The following MARCHF8 variants were observed in gnomAD, a reference collection of about 807,000 sequenced individuals.
MARCHF8 encodes the protein E3 ubiquitin-protein ligase MARCHF8.
A neutral mutation model predicts 51.6 loss-of-function variants in MARCHF8; 40 were observed. The observed-to-expected ratio is 0.77, with a 90% CI of 0.60 to 1.01. The LOEUF (loss-of-function observed/expected upper bound fraction) is 1.01. Ranked by LOEUF, MARCHF8 falls within the 50% of genes least tolerant of loss-of-function variation. The pLI is 0.00. For synonymous variants in MARCHF8, 263 were observed against 280.3 expected (o/e 0.94, Z 0.62); for missense variants, 685 against 708.6 (o/e 0.97, Z 0.38).
At chr10:45,514,021 A>G (rs1016609339) in intron 2 of MARCHF8, among the ~76,000 whole-genome samples, 6 of 152,224 alleles carry the variant, frequency 3.9e-5, no homozygotes, top group Admixed American at 1.3e-4. Flanking sequence ...TTAAGTGGGC[A>G]ATATTATATC....
chr10:45,513,442 T>A (rs1172179975), intron 2 of MARCHF8, among the ~76,000 whole-genome samples: 1 of 152,140 alleles, frequency 6.6e-6, no homozygotes, highest in African/African-American at 2.4e-5. Flanking sequence ...CCTGCTGTTG[T>A]AGAGCTTATG....
intron 6 of MARCHF8, 95 bp downstream of exon 6, chr10:45,461,135 TG>T: frequency 1.1e-6 from 1 of 938,610 alleles, no homozygotes; most frequent in Admixed American, 3.4e-5. Flanking sequence ...TTTAAGGAAA[TG>T]AACGCAGGCA....
chr10:45,594,228 T>C (rs994148681), intron 1 of MARCHF8: 1 of 152,176 alleles, frequency 6.6e-6, no homozygotes, highest in African/African-American at 2.4e-5. Flanking sequence ...AAGGACAAAA[T>C]AGTTACCTAT....
At chr10:45,502,167 A>G (rs1365686667) in intron 2 of MARCHF8, among the ~76,000 whole-genome samples, 2 of 152,212 alleles carry the variant, frequency 1.3e-5, no homozygotes, top group African/African-American at 4.8e-5. Context: ...ATAAAAACCT[A>G]TAGGTGTCTA....
intron 1 of MARCHF8, among the ~76,000 whole-genome samples, chr10:45,541,031 A>G (rs1381448422): frequency 6.6e-6 from 1 of 152,210 alleles, no homozygotes; most frequent in Non-Finnish European, 1.5e-5. Flanking sequence ...GGGATCTAGA[A>G]CTAGAAATAC....
At chr10:45,563,293 C>T (rs1315085163) in intron 1 of MARCHF8, among the ~76,000 whole-genome samples, 1 of 152,144 alleles carries the variant, frequency 6.6e-6, no homozygotes, top group East Asian at 1.9e-4. Context: ...TCCCAAAGTG[C>T]TGGAATTACA....
chr10:45,538,498 T>A (rs2044005597), upstream of MARCHF8, among the ~76,000 whole-genome samples: 1 of 152,126 alleles, frequency 6.6e-6, no homozygotes, highest in Admixed American at 6.5e-5. Context: ...GACTAAATGC[T>A]CCAATTAAAA....
chr10:45,478,568 T>TA (rs3086168), intron 3 of MARCHF8, among the ~76,000 whole-genome samples: 5,017 of 130,092 alleles, frequency 0.039, 197 homozygotes, highest in African/African-American at 0.1. Flanking sequence ...AAATAGGAGC[T>TA]AAAAAAAAAA....
chr10:45,521,946 T>C (rs2043712900), intron 2 of MARCHF8, among the ~76,000 whole-genome samples: 1 of 152,200 alleles, frequency 6.6e-6, no homozygotes, highest in African/African-American at 2.4e-5. Context: ...TTATCTAATA[T>C]ATAGAAAATA....
intron 3 of MARCHF8, among the ~76,000 whole-genome samples, chr10:45,488,180 C>G (rs1383179691): frequency 1.3e-5 from 2 of 152,122 alleles, no homozygotes; most frequent in Non-Finnish European, 2.9e-5. Flanking sequence ...GATTCACTTC[C>G]CAAGCCCTCC....
chr10:45,483,132 C>T (rs570883004), intron 3 of MARCHF8, among the ~76,000 whole-genome samples: 8 of 152,120 alleles, frequency 5.3e-5, no homozygotes, highest in African/African-American at 1.4e-4. Context: ...AACCAAAAAC[C>T]GACAAAAGGG....
At position 45,461,376 on chromosome 10, in the gene MARCHF8, A is replaced by G; in HGVS notation, c.1124T>C (p.Leu375Pro). 1.9e-6 allele frequency: 3 copies of G among 1,596,738 alleles called. No homozygotes were observed. The highest frequency in any genetic ancestry group is 2.6e-6 in the Non-Finnish European group (3 of 1,172,678). ...CHCEGDDESP[L>P]ITPCHCTGSL... The stretch of plus-strand genomic sequence containing the variant: ...TCCTGTGCAGTGGCAGGGGGTGATC[A>G]GGGGGCTCTCATCATCTCCTTCACA... Residue 375 changes from leucine (L) to proline (P), a missense_variant, in exon 6 of 8, where the codon CTG becomes CCG. Physicochemically the swap from Leu to Pro is moderately conservative, Grantham distance 98. Coordinates refer to ENST00000453424, the MANE Select transcript of MARCHF8 (RefSeq NM_001282866.2).
chr10:45,568,303 C>T (rs930994937), intron 1 of MARCHF8, among the ~76,000 whole-genome samples: 6 of 152,158 alleles, frequency 3.9e-5, no homozygotes, highest in Non-Finnish European at 8.8e-5. Context: ...ACTTCTAGTA[C>T]TGCATTGAAT....
intron 1 of MARCHF8, among the ~76,000 whole-genome samples, chr10:45,580,074 C>G (rs2133419604): frequency 7.1e-6 from 1 of 141,520 alleles, no homozygotes; most frequent in African/African-American, 2.6e-5. Flanking sequence ...AAGAAATAAT[C>G]TAAACTGTGG....
At chr10:45,563,897 T>TTAAA (rs1337026013) in intron 1 of MARCHF8, among the ~76,000 whole-genome samples, 1 of 152,198 alleles carries the variant, frequency 6.6e-6, no homozygotes, top group African/African-American at 2.4e-5. Flanking sequence ...AGAATAAGGC[T>TTAAA]TATTTCAGCT....
At chr10:45,472,115 G>A (rs2042702552) in intron 3 of MARCHF8, among the ~76,000 whole-genome samples, 1 of 152,070 alleles carries the variant, frequency 6.6e-6, no homozygotes, top group Non-Finnish European at 1.5e-5. Flanking sequence ...CTAGGCCTAG[G>A]CCCTCCTTTC....
At chr10:45,556,432 G>C (rs2044252068) in intron 1 of MARCHF8, among the ~76,000 whole-genome samples, 1 of 152,202 alleles carries the variant, frequency 6.6e-6, no homozygotes, top group African/African-American at 2.4e-5. Context: ...AATGGACTGG[G>C]AGAGGGATAT....
At chr10:45,579,505 A>C (rs979275357) in intron 1 of MARCHF8, among the ~76,000 whole-genome samples, 2 of 152,102 alleles carry the variant, frequency 1.3e-5, no homozygotes, top group African/African-American at 2.4e-5. Flanking sequence ...AGCCAACTGC[A>C]CAAAAGAAGC....
chr10:45,519,282 A>G, intron 2 of MARCHF8, among the ~76,000 whole-genome samples: 1 of 152,226 alleles, frequency 6.6e-6, no homozygotes, highest in Non-Finnish European at 1.5e-5. Flanking sequence ...CAACTAACAG[A>G]TATGACTATG....
Sources: gnomAD v4.1 joint callset for allele counts (sites outside exome capture counted in the v4.1 genomes callset) on GRCh38, gnomAD v4.1.1 for gene constraint, MANE v1.5 for transcripts, NCBI Gene and HGNC (gene_info 2026-07-23, HGNC 2026-07-21) for gene names.